The following UNC13C variants were observed in gnomAD, a reference collection of about 807,000 sequenced individuals.
UNC13C encodes the protein protein unc-13 homolog C.
Under a neutral mutation model 245.4 loss-of-function variants are expected in UNC13C, and 174 were observed. The observed-to-expected ratio is 0.71, with a 90% confidence interval of 0.63 to 0.80. UNC13C has a LOEUF of 0.80. Among genes scored for constraint, UNC13C ranks in the 30% least tolerant of loss-of-function variants. The pLI, the probability that UNC13C is intolerant of heterozygous loss-of-function variation, is 0.00. For missense variants in UNC13C, 2,829 were observed against 2,602.9 expected (o/e 1.09, Z -1.89); for synonymous variants, 992 against 895.1 (o/e 1.11, Z -1.93).
intron 30 of UNC13C, among the ~76,000 whole-genome samples, chr15:54,582,548 C>T (rs1898247816): frequency 6.6e-6 from 1 of 152,066 alleles, no homozygotes; most frequent in African/African-American, 2.4e-5. Flanking sequence ...GCCACTATTT[C>T]AAGGAAAGCA....
intron 2 of UNC13C, among the ~76,000 whole-genome samples, chr15:54,084,162 A>G (rs1023438664): frequency 1.6e-4 from 25 of 152,202 alleles, no homozygotes; most frequent in African/African-American, 5.3e-4. Context: ...TCTGCACCCC[A>G]GCTGTCCTGG....
the UNC13C span, among the ~76,000 whole-genome samples, chr15:53,971,041 A>G: frequency 6.6e-6 from 1 of 152,266 alleles, no homozygotes; most frequent in East Asian, 1.9e-4. Context: ...TGTGTGTTTT[A>G]TAATGGCTAC....
At chr15:54,163,771 A>G (rs762290685) in intron 4 of UNC13C, among the ~76,000 whole-genome samples, 5 of 152,196 alleles carry the variant, frequency 3.3e-5, no homozygotes, top group Non-Finnish European at 1.5e-5. Context: ...TTTTGTAATC[A>G]TGAGTTGAAG....
At chr15:54,482,056 A>C (rs1893150291) in intron 19 of UNC13C, among the ~76,000 whole-genome samples, 2 of 151,904 alleles carry the variant, frequency 1.3e-5, no homozygotes. Flanking sequence ...GGGAATATAC[A>C]CTTTGTCTCG....
In UNC13C at chr15:54,578,708, G is replaced by C. The variant is rs146470578; in HGVS notation, c.6106+10761G>C. 5.3e-5 allele frequency among the ~76,000 whole-genome samples: 8 copies of C among 152,274 alleles called. No individual in the cohort carries two copies. The East Asian group carries it at 1.5e-3, about 29-fold the overall frequency. On this transcript the variant is annotated intron_variant, in intron 30 of 32. Transcript: ENST00000260323. ...AACAGCCCTCTAAAGTCAGACAGAG[G>C]GCCAGCACCATGGCTCACGCCTGTA...
intron 2 of UNC13C, among the ~76,000 whole-genome samples, chr15:54,025,341 C>T (rs1039344988): frequency 2.6e-5 from 4 of 152,062 alleles, no homozygotes; most frequent in African/African-American, 9.7e-5. Flanking sequence ...TCTTAAGAAC[C>T]CTAGAAGGTG....
intron 4 of UNC13C, among the ~76,000 whole-genome samples, chr15:54,194,162 C>A (rs2034277864): frequency 6.6e-6 from 1 of 152,120 alleles, no homozygotes; most frequent in African/African-American, 2.4e-5. Context: ...CCGTGTAGAC[C>A]AGTTTGGAGA....
chr15:54,101,830 C>T (rs1006657313), intron 2 of UNC13C, among the ~76,000 whole-genome samples: 5 of 151,860 alleles, frequency 3.3e-5, no homozygotes, highest in Non-Finnish European at 5.9e-5. Context: ...ATGATCCGCT[C>T]GCCTTGGCCT....
At chr15:54,218,290 C>T (rs1412935465) in intron 4 of UNC13C, among the ~76,000 whole-genome samples, 1 of 151,986 alleles carries the variant, frequency 6.6e-6, no homozygotes, top group African/African-American at 2.4e-5. Context: ...TTTCTCCCCT[C>T]ATTCCCCATC....
intron 19 of UNC13C, among the ~76,000 whole-genome samples, chr15:54,423,620 A>C (rs1168826821): frequency 6.6e-6 from 1 of 151,904 alleles, no homozygotes; most frequent in Non-Finnish European, 1.5e-5. Flanking sequence ...GAGCATTTGA[A>C]AATAAAAATC....
At chr15:53,942,312 A>C in the UNC13C span, among the ~76,000 whole-genome samples, 17 of 152,180 alleles carry the variant, frequency 1.1e-4, no homozygotes, top group African/African-American at 3.9e-4. Context: ...ATAGAAAACC[A>C]AACACCGCAT....
At chr15:53,960,105 TC>T in the UNC13C span, among the ~76,000 whole-genome samples, 1 of 152,178 alleles carries the variant, frequency 6.6e-6, no homozygotes, top group Non-Finnish European at 1.5e-5. Flanking sequence ...CAAGTAGTTG[TC>T]TATTTTCCTC....
the UNC13C span, among the ~76,000 whole-genome samples, chr15:53,945,745 T>C: frequency 6.6e-6 from 1 of 152,186 alleles, no homozygotes. Context: ...TTTGGTTCCA[T>C]ATGAATTTTA....
chr15:54,168,492 T>C (rs1465823030), intron 4 of UNC13C, among the ~76,000 whole-genome samples: 1 of 152,234 alleles, frequency 6.6e-6, no homozygotes, highest in South Asian at 2.1e-4. Flanking sequence ...CTAATACAGA[T>C]GCTCTTTTAA....
At chr15:53,979,713 A>G (rs919938249) in intron 1 of UNC13C, among the ~76,000 whole-genome samples, 1 of 152,220 alleles carries the variant, frequency 6.6e-6, no homozygotes, top group South Asian at 2.1e-4. Context: ...TTAGGCTTTT[A>G]AGGAAAAACA....
At chr15:54,201,236 C>T (rs1396055666) in intron 4 of UNC13C, among the ~76,000 whole-genome samples, 1 of 151,806 alleles carries the variant, frequency 6.6e-6, no homozygotes, top group African/African-American at 2.4e-5. Context: ...ATCAGACATC[C>T]AAAGAAGAAT....
intron 30 of UNC13C, among the ~76,000 whole-genome samples, chr15:54,612,809 C>T (rs1900192113): frequency 6.6e-6 from 1 of 151,888 alleles, no homozygotes; most frequent in Admixed American, 6.6e-5. Flanking sequence ...TTTATCACAC[C>T]TTATTAGACT....
chr15:53,922,686 C>T, the UNC13C span, among the ~76,000 whole-genome samples: 8 of 152,258 alleles, frequency 5.3e-5, no homozygotes, highest in South Asian at 2.1e-4. Flanking sequence ...CAGAGGACGT[C>T]GCTAACCATA....
the UNC13C span, among the ~76,000 whole-genome samples, chr15:53,884,958 T>C: frequency 6.6e-6 from 1 of 152,236 alleles, no homozygotes; most frequent in Non-Finnish European, 1.5e-5. Flanking sequence ...ATCAGGATTT[T>C]ACAGAACAGT....
Sources: allele counts gnomAD v4.1 joint callset (sites outside exome capture counted in the v4.1 genomes callset), GRCh38; gene constraint gnomAD v4.1.1; transcripts MANE v1.5; gene names NCBI Gene and HGNC (gene_info 2026-07-23, HGNC 2026-07-21).